The following CSNK1D variants were observed in gnomAD, a reference collection of about 807,000 sequenced individuals.
The protein encoded by CSNK1D is casein kinase 1 delta.
Under a neutral mutation model 46.6 loss-of-function variants are expected in CSNK1D, and 16 were observed. The observed-to-expected ratio is 0.34, with a 90% CI of 0.23 to 0.52. The LOEUF (loss-of-function observed/expected upper bound fraction) is 0.52. Among genes scored for constraint, CSNK1D ranks in the 20% least tolerant of loss-of-function variants. The pLI is 0.95. For missense variants in CSNK1D, 398 were observed against 578.4 expected (o/e 0.69, Z 3.20); for synonymous variants, 276 against 228.2 (o/e 1.21, Z -1.89).
At chr17:82,258,480 CAT>C (rs1234242432) in intron 2 of CSNK1D, among the ~76,000 whole-genome samples, 1 of 152,100 alleles carries the variant, frequency 6.6e-6, no homozygotes, top group East Asian at 1.9e-4. Flanking sequence ...TGTTAGCACT[CAT>C]AAAGTTCCCG....
Position 82,248,570 on chromosome 17 carries a change from C to T in CSNK1D, c.1197+305G>A, listed in dbSNP as rs934954016. 62 of 1,223,300 alleles carry T rather than the reference C, an allele frequency of 5.1e-5. No homozygotes were observed. Among genetic ancestry groups the T allele is most frequent in the Middle Eastern group, 3.4e-4 (1 of 2,902 alleles). 75.8% of individuals were successfully genotyped at this position (1,223,300 alleles called of 1,614,324 possible). On this transcript the variant is annotated intron_variant, in intron 8 of 8. Coordinates refer to ENST00000314028, the MANE Select transcript of CSNK1D (RefSeq NM_001893.6). This position sits in a 1 kb window ranked among gnomAD's most constrained non-coding sequence, Gnocchi z 4.1. ...GCGAGCGGTGTCAGCTGCCTGGGGA[C>T]GGCTGCGGGCAGCGGGGCACTCAAA...
Position 82,252,693 on chromosome 17 carries a change from G to T in CSNK1D, c.566-89C>A. The T allele has an allele frequency of 7.5e-7, 1 of 1,336,390 alleles. No individual in the cohort carries two copies. Among genetic ancestry groups the T allele is most frequent in the Non-Finnish European group, 1.0e-6 (1 of 960,124 alleles). The allele number at this position is 1,336,390 out of a possible 1,614,324, so 82.8% of individuals were successfully genotyped here. A position where few individuals can be genotyped will look rare whatever the true frequency, so the allele number is the denominator to read the frequency against. On this transcript the variant is annotated intron_variant, in intron 4 of 8. Transcript: ENST00000314028. This position sits in a 1 kb window ranked among gnomAD's most constrained non-coding sequence, Gnocchi z 4.6. ...CGGCTGGCCGTTCCAGTGGAGACTA[G>T]CCTCAGACACACATGCCCAGATCAC...
At chr17:82,260,886 C>G in intron 2 of CSNK1D, 1 of 154,892 alleles carries the variant, frequency 6.5e-6, no homozygotes, top group East Asian at 1.9e-4. Flanking sequence ...CTGACACCAT[C>G]TTTCTTTAAC....
At chr17:82,262,513 A>G (rs550510142) in intron 2 of CSNK1D, among the ~76,000 whole-genome samples, 1 of 152,336 alleles carries the variant, frequency 6.6e-6, no homozygotes, top group African/African-American at 2.4e-5. Flanking sequence ...AAGCAAACGT[A>G]AAGATCAGAA....
At chr17:82,247,936 G>T in intron 8 of CSNK1D, 1 of 985,454 alleles carries the variant, frequency 1.0e-6, no homozygotes, top group Non-Finnish European at 1.2e-6. Context: ...GGTCAAGAGT[G>T]CTCCCCACTC....
chr17:82,249,164 G>T lies in CSNK1D; in HGVS notation c.1058-150C>A. 1 of 1,010,202 alleles carries T rather than the reference G, an allele frequency of 9.9e-7. No individual in the cohort carries two copies. Among genetic ancestry groups the T allele is most frequent in the Non-Finnish European group, 1.4e-6 (1 of 699,498 alleles). The allele number at this position is 1,010,202 out of a possible 1,614,324, so 62.6% of individuals were successfully genotyped here. ...CCGATGGCCACCAACACTCAGATCC[G>T]GCCGGAGGGACACAAAGGGACATGG... is the stretch of plus-strand genomic sequence containing the variant. On this transcript the variant is annotated intron_variant, in intron 7 of 8. Transcript: ENST00000314028. The surrounding 1 kb of genome is among the most constrained non-coding windows in gnomAD (Gnocchi z 6.7).
intron 1 of CSNK1D, among the ~76,000 whole-genome samples, chr17:82,268,426 A>C (rs146529082): frequency 6.6e-6 from 1 of 152,242 alleles, no homozygotes; most frequent in Non-Finnish European, 1.5e-5. Flanking sequence ...CTGTGGCTGC[A>C]ATCTGGCATC....
chr17:82,256,130 G>A (rs1358900078), intron 2 of CSNK1D, among the ~76,000 whole-genome samples: 1 of 152,186 alleles, frequency 6.6e-6, no homozygotes, highest in African/African-American at 2.4e-5. Context: ...ACAAATCAGG[G>A]AAGTGAAAAT....
Position 82,248,098 on chromosome 17 carries a change from T to C in CSNK1D, c.1197+777A>G. ...AGTTCCTGCTCATCCGGAAGACCCG[T>C]GGGGGATCTGGGCACCCCCCAGGAT... On this transcript the variant is annotated intron_variant, in intron 8 of 8. Transcript: ENST00000314028. This position sits in a 1 kb window ranked among gnomAD's most constrained non-coding sequence, Gnocchi z 4.1. 1 of 985,456 alleles carries C rather than the reference T, an allele frequency of 1.0e-6. No homozygotes were observed. Among genetic ancestry groups the C allele is most frequent in the Non-Finnish European group, 1.2e-6 (1 of 829,964 alleles). 61.0% of individuals were successfully genotyped at this position (985,456 alleles called of 1,614,324 possible). A position where few individuals can be genotyped will look rare whatever the true frequency, so the allele number is the denominator to read the frequency against.
chr17:82,245,966 G>A (rs375645929), intron 8 of CSNK1D: 246 of 1,597,818 alleles, frequency 1.5e-4, no homozygotes, highest in East Asian at 1.1e-3. Context: ...CCCGCCACGC[G>A]CACACTCACC....
rs1386514864 is a variant in CSNK1D, at chr17:82,250,332, C to T, written c.886-730G>A. ...GGCAACACACAGACCGACACACCTG[C>T]GGCTGCAGCACCGTGCGGCCAGCAC... On this transcript the variant is annotated intron_variant, in intron 6 of 8. Coordinates refer to ENST00000314028, the MANE Select transcript of CSNK1D (RefSeq NM_001893.6). The surrounding 1 kb of genome is among the most constrained non-coding windows in gnomAD (Gnocchi z 4.6). 6.5e-6 allele frequency: 4 copies of T among 614,760 alleles called. No homozygotes were observed. Among genetic ancestry groups the T allele is most frequent in the African/African-American group, 1.9e-5 (1 of 52,714 alleles). The allele number at this position is 614,760 out of a possible 1,614,324, so 38.1% of individuals were successfully genotyped here.
Position 82,251,386 on chromosome 17 carries a change from A to G in CSNK1D, c.878T>C (p.Leu293Pro). 2 of 1,614,064 alleles carry G rather than the reference A, an allele frequency of 1.2e-6. No individual in the cohort carries two copies. The highest frequency in any genetic ancestry group is 1.7e-6 in the Non-Finnish European group (2 of 1,180,008). ...GCTGGCAGTGCGACTTACAAATTTGAGCATGTTCCAGTCGAACACGTAGTC... is the reference window on the plus strand; with the variant it reads ...GCTGGCAGTGCGACTTACAAATTTGGGCATGTTCCAGTCGAACACGTAGTC... ...SYDYVFDWNM[L>P]KFGASRAADD... Residue 293 changes from leucine (L) to proline (P), a missense_variant, in exon 6 of 9, where the codon CTC becomes CCC. Transcript: ENST00000314028. This position sits in a 1 kb window ranked among gnomAD's most constrained non-coding sequence, Gnocchi z 4.5.
Position 82,244,832 on chromosome 17 carries a change from C to G in CSNK1D, c.1198-1G>C. ...CACTGGAAGCCACCCGACCAGGAAT[C>G]TGTCGGAGCCAAAGCACAGGAGAAG... On this transcript the variant is annotated splice_acceptor_variant, in intron 8 of 8. Transcript: ENST00000314028. LOFTEE classifies it high-confidence loss of function. The G allele has an allele frequency of 1.2e-6, 2 of 1,613,804 alleles. No homozygotes were observed. The highest frequency in any genetic ancestry group is 1.7e-6 in the Non-Finnish European group (2 of 1,180,032).
rs965657750 is a variant in CSNK1D, at chr17:82,273,595, G to A, written c.-214C>T. ...GTCCGAGCGCCGCCGCCGCTGCTCCGGCCCCTACCGGTCCCGCTTGCCCTC... is the reference window on the plus strand; with the variant it reads ...GTCCGAGCGCCGCCGCCGCTGCTCCAGCCCCTACCGGTCCCGCTTGCCCTC... On this transcript the variant is annotated 5_prime_UTR_variant, in exon 1 of 9. Transcript: ENST00000314028. This position sits in a 1 kb window ranked among gnomAD's most constrained non-coding sequence, Gnocchi z 5.1. 11 of 588,506 alleles carry A rather than the reference G, an allele frequency of 1.9e-5. No homozygotes were observed. Among genetic ancestry groups the A allele is most frequent in the Non-Finnish European group, 2.9e-5 (10 of 340,660 alleles). 36.5% of individuals were successfully genotyped at this position (588,506 alleles called of 1,614,324 possible). A position where few individuals can be genotyped will look rare whatever the true frequency, so the allele number is the denominator to read the frequency against.
rs553037538 is a variant in CSNK1D, at chr17:82,257,922, AGTT to A, written c.188-2348_188-2346del. 8.7e-4 allele frequency among the ~76,000 whole-genome samples: 133 copies of A among 152,294 alleles called. 2 individuals are homozygous for A. Among genetic ancestry groups the A allele is most frequent in the Non-Finnish European group, 1.3e-3 (89 of 67,992 alleles). On this transcript the variant is annotated intron_variant, in intron 2 of 8. Transcript: ENST00000314028. The stretch of plus-strand genomic sequence containing the variant: ...TTTCGACTGTATTCCACCGTCGAAA[AGTT>A]TTTTAACTGGCCAGGCTCAGGCCTA...
Position 82,255,172 on chromosome 17 carries a change from G to A in CSNK1D, c.336+257C>T. 1 of 513,572 alleles carries A rather than the reference G, an allele frequency of 1.9e-6. No homozygotes were observed. The highest frequency in any genetic ancestry group is 2.0e-5 in the South Asian group (1 of 50,020). 31.8% of individuals were successfully genotyped at this position (513,572 alleles called of 1,614,324 possible). A position where few individuals can be genotyped will look rare whatever the true frequency, so the allele number is the denominator to read the frequency against. On this transcript the variant is annotated intron_variant, in intron 3 of 8. Transcript: ENST00000314028. This position sits in a 1 kb window ranked among gnomAD's most constrained non-coding sequence, Gnocchi z 5.9. ...GTGAGCTGGGCCGCCGGAGCCTCGA[G>A]AAGCCAGTGAGCTGGGCCGCCGGAG...
At chr17:82,246,485 T>TTCTTCTCACC in intron 8 of CSNK1D, 1 of 1,096,188 alleles carries the variant, frequency 9.1e-7, no homozygotes, top group Non-Finnish European at 1.1e-6. Context: ...TGACAAGGCC[T>TTCTTCTCACC]TCTTCTCACC....
rs1189918923 is a variant in CSNK1D, at chr17:82,248,713, G to A, written c.1197+162C>T. On this transcript the variant is annotated intron_variant, in intron 8 of 8. Transcript: ENST00000314028. The surrounding 1 kb of genome is among the most constrained non-coding windows in gnomAD (Gnocchi z 4.1). ...CAGCATGTCTCCCAGGCCCTCCCGA[G>A]AAGCCTCATCTGCAACCAAGACGCC... 1.4e-6 allele frequency: 2 copies of A among 1,459,368 alleles called. No individual in the cohort carries two copies. The highest frequency in any genetic ancestry group is 1.4e-5 in the South Asian group (1 of 71,968). 90.4% of individuals were successfully genotyped at this position (1,459,368 alleles called of 1,614,324 possible).
chr17:82,267,859 C>T (rs1332604731), intron 1 of CSNK1D, among the ~76,000 whole-genome samples: 3 of 152,204 alleles, frequency 2.0e-5, no homozygotes, highest in East Asian at 1.9e-4. Flanking sequence ...GGCCTGGGGC[C>T]GATGGCTTGG....
Sources: allele counts gnomAD v4.1 joint callset (sites outside exome capture counted in the v4.1 genomes callset), GRCh38; gene constraint gnomAD v4.1.1; non-coding constraint Gnocchi (gnomAD v3.1); transcripts MANE v1.5; gene names NCBI Gene and HGNC (gene_info 2026-07-23, HGNC 2026-07-21).